The following THNSL2 variants were observed in gnomAD, a reference collection of about 807,000 sequenced individuals.
THNSL2 encodes threonine synthase like 2.
THNSL2 carries 34 observed loss-of-function variants against 40.0 expected under a neutral mutation model. The ratio of observed to expected loss-of-function variants is 0.85; its 90% CI spans 0.65 to 1.13. The LOEUF (loss-of-function observed/expected upper bound fraction) is 1.13, where lower values mean the gene tolerates loss of function less well. Among genes scored for constraint, THNSL2 ranks in the 50% most tolerant of loss-of-function variants. THNSL2 has a pLI of 0.00. For missense variants in THNSL2, 537 were observed against 608.8 expected, an observed-to-expected ratio of 0.88 and a Z score of 1.24; for synonymous variants, 241 against 247.5, an observed-to-expected ratio of 0.97 and a Z score of 0.25.
chr2:88,185,647 G>C (rs76505901), intron 8 of THNSL2, 168 bp downstream of exon 8: 43 of 1,551,444 alleles, frequency 2.8e-5, no homozygotes, highest in Non-Finnish European at 3.7e-5. Flanking sequence ...AAGAGGGAGC[G>C]TGACAGATAT....
rs752172586 is a variant in THNSL2 at position 88,182,740 on chromosome 2, G to C, written c.844G>C (p.Val282Leu). The C allele has an allele frequency of 1.9e-6, 3 of 1,614,068 alleles. 1 individual carries two copies. The South Asian group carries it at 3.3e-5, about 18-fold the overall frequency. Residue 282 changes from valine (V) to leucine (L), a missense_variant, in exon 6 of 9, where the codon GTC becomes CTC. Coordinates refer to ENST00000674334, the MANE Select transcript of THNSL2 (RefSeq NM_018271.5). ...AAAGATAGGCCTGCCCATCCGTCTG[G>C]TCGTGGCAGTGAACCGCAATGACAT... ...AQKIGLPIRLVVAVNRNDIIH... is the reference protein window; with the variant it reads ...AQKIGLPIRLLVAVNRNDIIH...
rs918642495 is a variant in THNSL2 at position 88,174,026 on chromosome 2, C to G, written c.224-613C>G. On this transcript the variant is annotated intron_variant, in intron 2 of 8. Transcript: ENST00000674334. ...GAGAAAGGACCACTTAAAATGCAGTCTGATGACCAGCAGTGATGGCATTGC... is the reference window on the plus strand; with the variant it reads ...GAGAAAGGACCACTTAAAATGCAGTGTGATGACCAGCAGTGATGGCATTGC... 2.0e-5 allele frequency among the ~76,000 whole-genome samples: 3 copies of G among 152,316 alleles called. 1 individual carries two copies. In the South Asian group the frequency reaches 6.2e-4, roughly 32 times the overall value.
At chr2:88,175,105 C>A in intron 3 of THNSL2, 144 bp from the exon 4 acceptor site, 1 of 945,852 alleles carries the variant, frequency 1.1e-6, no homozygotes, top group Non-Finnish European at 1.6e-6. Flanking sequence ...GATCCATGGA[C>A]CCTAGGTGGA....
At chr2:88,185,663 G>A (rs1043951214) in intron 8 of THNSL2, 184 bp downstream of exon 8, 1 of 1,551,524 alleles carries the variant, frequency 6.4e-7, no homozygotes, top group Admixed American at 2.0e-5. Context: ...GATATCCCAG[G>A]GACAGCCATG....
chr2:88,184,341 G>A (rs1678017620), intron 7 of THNSL2, among the ~76,000 whole-genome samples: 2 of 152,136 alleles, frequency 1.3e-5, no homozygotes, highest in South Asian at 4.1e-4. Context: ...TGCTGGAATG[G>A]CATTCATGCA....
In THNSL2 at chr2:88,182,864, T is replaced by A; in HGVS notation, c.951+17T>A. 1 of 1,612,908 alleles carries A rather than the reference T, an allele frequency of 6.2e-7. No homozygotes were observed. The highest frequency in any genetic ancestry group is 8.5e-7 in the Non-Finnish European group (1 of 1,179,334). On this transcript the variant is annotated intron_variant, in intron 6 of 8. Coordinates refer to ENST00000674334, the MANE Select transcript of THNSL2 (RefSeq NM_018271.5). ...GACATTCAGGTAGGCCTGGGGGAGG[T>A]GTGCAGATCTGGCCCAGGTGTTGGT...
intron 1 of THNSL2, chr2:88,171,492 G>A: frequency 2.8e-6 from 1 of 355,350 alleles, no homozygotes; most frequent in South Asian, 2.1e-5. Context: ...TGCCTTGCTC[G>A]CTCCTGCCCT....
intron 4 of THNSL2, chr2:88,176,292 G>T (rs2104170837): frequency 6.6e-6 from 1 of 152,350 alleles, no homozygotes; most frequent in Non-Finnish European, 1.5e-5. Flanking sequence ...AAAGGCAAAA[G>T]CCATCTTTTT....
rs1272607380 is a variant in THNSL2 at position 88,182,692 on chromosome 2, T to A, written c.803-7T>A. The A allele has an allele frequency of 6.3e-7, 1 of 1,591,350 alleles. No individual in the cohort carries two copies. ...AAGCCATTGTTCTCCTCCTCTCTTGTCTTAAGCTGGGTACATTGCTCAAAA... is the reference window on the plus strand; with the variant it reads ...AAGCCATTGTTCTCCTCCTCTCTTGACTTAAGCTGGGTACATTGCTCAAAA... On this transcript the variant is annotated splice_polypyrimidine_tract_variant and splice_region_variant and intron_variant, in intron 5 of 8. Transcript: ENST00000674334.
rs746156921 is a variant in THNSL2 at position 88,185,902 on chromosome 2, C to G, written c.1234C>G (p.Pro412Ala). 8 of 1,599,590 alleles carry G rather than the reference C, an allele frequency of 5.0e-6. No individual in the cohort carries two copies. In the African/African-American group the frequency reaches 9.4e-5, roughly 19 times the overall value. The change falls in exon 9 of 9, where the codon CCC becomes GCC. Residue 412 changes from proline (P) to alanine (A), a missense_variant. Pro to Ala is a conservative substitution (Grantham distance 27, BLOSUM62 -1). Coordinates refer to ENST00000674334, the MANE Select transcript of THNSL2 (RefSeq NM_018271.5). ...QQIDRQQPST[P>A]RCCLAPASAA... ...CACCTGCCCCCATCCCCACAGCACT[C>G]CCCGGTGCTGCCTCGCCCCTGCCTC...
intron 4 of THNSL2, 111 bp downstream of exon 4, chr2:88,175,512 T>C: frequency 1.4e-6 from 2 of 1,389,408 alleles, no homozygotes; most frequent in Non-Finnish European, 9.9e-7. Flanking sequence ...ACTGTCCTCC[T>C]TTCATCATCA....
Position 88,185,354 on chromosome 2 carries a change from A to G in THNSL2, c.1104A>G (p.Ser368=), listed in dbSNP as rs753032325. 4.3e-6 allele frequency: 7 copies of G among 1,613,814 alleles called. No homozygotes were observed. The highest frequency in any genetic ancestry group is 5.9e-6 in the Non-Finnish European group (7 of 1,179,956). ...SKLSEAVTSV[S]VSDEAITQTM... ...TTTCAGAGGCAGTGACATCCGTGTCAGTGTCGGATGAAGCCATCACCCAGA... is the reference window on the plus strand; with the variant it reads ...TTTCAGAGGCAGTGACATCCGTGTCGGTGTCGGATGAAGCCATCACCCAGA... Residue 368 remains serine (S), a synonymous_variant, in exon 8 of 9, where the codon TCA becomes TCG. Transcript: ENST00000674334.
In THNSL2 at chr2:88,185,351, G is replaced by A. The variant is rs1678161108; in HGVS notation, c.1101G>A (p.Val367=). The change falls in exon 8 of 9, where the codon GTG becomes GTA. Residue 367 remains valine (V), a synonymous_variant. Transcript: ENST00000674334. ...AGCTTTCAGAGGCAGTGACATCCGT[G>A]TCAGTGTCGGATGAAGCCATCACCC... ...HSKLSEAVTS[V]SVSDEAITQT... is the part of the protein sequence containing the mutation. 1 of 1,613,702 alleles carries A rather than the reference G, an allele frequency of 6.2e-7. No individual in the cohort carries two copies. Among genetic ancestry groups the A allele is most frequent in the East Asian group, 2.2e-5 (1 of 44,864 alleles).
Position 88,182,683 on chromosome 2 carries a change from C to G in THNSL2, c.803-16C>G, listed in dbSNP as rs777496618. On this transcript the variant is annotated splice_polypyrimidine_tract_variant and intron_variant, in intron 5 of 8. Transcript: ENST00000674334. ...ATTTCTAAAAAGCCATTGTTCTCCTCCTCTCTTGTCTTAAGCTGGGTACAT... is the reference window on the plus strand; with the variant it reads ...ATTTCTAAAAAGCCATTGTTCTCCTGCTCTCTTGTCTTAAGCTGGGTACAT... 5 of 1,549,010 alleles carry G rather than the reference C, an allele frequency of 3.2e-6. No individual in the cohort carries two copies. Among genetic ancestry groups the G allele is most frequent in the African/African-American group, 2.7e-5 (2 of 73,554 alleles).
chr2:88,183,132 G>C (rs1328476326), intron 7 of THNSL2, 59 bp downstream of exon 7: 2 of 1,576,278 alleles, frequency 1.3e-6, no homozygotes, highest in African/African-American at 2.7e-5. Context: ...TAGCAGACTT[G>C]GGGTTTGGAA....
At chr2:88,185,812 G>A in intron 8 of THNSL2, 86 bp from the exon 9 acceptor site, 1 of 1,540,230 alleles carries the variant, frequency 6.5e-7, no homozygotes, top group Non-Finnish European at 8.8e-7. Context: ...AACTTCCTCT[G>A]TTTCTTATTC....
Position 88,178,841 on chromosome 2 carries a change from T to A in THNSL2, c.630T>A (p.Ala210=). ...TCAAGACTGTGTTTGCCGATGTGGC[T>A]TTTGTCAAGAAGCACAATCTGATGA... ...EPIKTVFADV[A]FVKKHNLMSL... Residue 210 remains alanine (A), a synonymous_variant, in exon 5 of 9, where the codon GCT becomes GCA. Coordinates refer to ENST00000674334, the MANE Select transcript of THNSL2 (RefSeq NM_018271.5). The A allele has an allele frequency of 6.2e-7, 1 of 1,614,168 alleles. No homozygotes were observed. The highest frequency in any genetic ancestry group is 8.5e-7 in the Non-Finnish European group (1 of 1,180,040).
intron 4 of THNSL2, chr2:88,175,720 G>A (rs1387804399): frequency 1.8e-5 from 5 of 279,130 alleles, no homozygotes; most frequent in Non-Finnish European, 3.4e-5. Flanking sequence ...CAACCATGCA[G>A]AGTCATAACC....
rs370334316 is a variant in THNSL2, at chr2:88,178,998, G to C, written c.787G>C (p.Ala263Pro). The change falls in exon 5 of 9, where the codon GCC (alanine) becomes CCC (proline). Residue 263 changes from alanine (A) to proline (P), a missense_variant. Ala to Pro is a conservative substitution (Grantham distance 27). Coordinates refer to ENST00000674334, the MANE Select transcript of THNSL2 (RefSeq NM_018271.5). ...GGAGGTGGTTGTGCCAACAGGGGCT[G>C]CCGGTAACCTTGCAGGTAAGGAATC... ...LVEVVVPTGA[A>P]GNLAAGYIAQ... The C allele has an allele frequency of 1.9e-6, 3 of 1,614,104 alleles. No homozygotes were observed. The African/African-American group carries it at 4.0e-5, about 22-fold the overall frequency.
Sources: allele counts gnomAD v4.1 joint callset (sites outside exome capture counted in the v4.1 genomes callset), GRCh38; gene constraint gnomAD v4.1.1; transcripts MANE v1.5; gene names NCBI Gene and HGNC (gene_info 2026-07-23, HGNC 2026-07-21).